Variants in G2E3 observed in about 807,000 individuals in gnomAD.
G2E3 encodes G2/M-phase specific E3 ubiquitin protein ligase.
A neutral mutation model predicts 92.8 loss-of-function variants in G2E3; 35 were observed. The ratio of observed to expected loss-of-function variants is 0.38; its 90% CI spans 0.29 to 0.50. The LOEUF (loss-of-function observed/expected upper bound fraction) is 0.50. Among genes scored for constraint, G2E3 ranks in the 20% least tolerant of loss-of-function variants. The pLI is 0.94. For missense variants in G2E3, 554 were observed against 823.8 expected, an observed-to-expected ratio of 0.67 and a Z score of 4.01; for synonymous variants, 242 against 272.4, an observed-to-expected ratio of 0.89 and a Z score of 1.10.
chr14:30,611,930 A>G, intron 12 of G2E3: 1 of 255,538 alleles, frequency 3.9e-6, no homozygotes, highest in Non-Finnish European at 7.5e-6. Flanking sequence ...AGTCTTACCT[A>G]GTGCTATATA....
At chr14:30,585,649 CT>C (rs76296662) in intron 2 of G2E3, among the ~76,000 whole-genome samples, 39 of 144,818 alleles carry the variant, frequency 2.7e-4, no homozygotes, top group Admixed American at 3.5e-4. Flanking sequence ...AAAGAACCAA[CT>C]TTTTTTTTTT....
intron 1 of G2E3, among the ~76,000 whole-genome samples, chr14:30,577,132 G>A (rs1464171781): frequency 6.7e-6 from 1 of 149,856 alleles, no homozygotes; most frequent in East Asian, 2.0e-4. Flanking sequence ...GGCTGAGGCA[G>A]GAGAATCACT....
intron 1 of G2E3, chr14:30,574,730 C>T (rs1306249230): frequency 6.6e-6 from 1 of 152,214 alleles, no homozygotes; most frequent in Admixed American, 6.5e-5. Flanking sequence ...CCGGCTCCAT[C>T]CATGTTCCTG....
chr14:30,595,690 A>G (rs986641818), intron 6 of G2E3, among the ~76,000 whole-genome samples: 8 of 152,204 alleles, frequency 5.3e-5, no homozygotes, highest in African/African-American at 9.6e-5. Flanking sequence ...CACTCTCTCT[A>G]AAGGAGTTCC....
At chr14:30,606,426 A>G (rs548264804) in intron 11 of G2E3, among the ~76,000 whole-genome samples, 1 of 152,196 alleles carries the variant, frequency 6.6e-6, no homozygotes, top group South Asian at 2.1e-4. Context: ...TTTCATTTGA[A>G]TTTCCTACTA....
At chr14:30,602,909 G>C (rs1015309545) in intron 10 of G2E3, 2 of 152,154 alleles carry the variant, frequency 1.3e-5, no homozygotes, top group African/African-American at 4.8e-5. Context: ...ACTATGCCCT[G>C]CCATTTTTTG....
rs1273401270 is a variant in G2E3 at position 30,616,258 on chromosome 14, T to C, written c.1865-20T>C. The C allele has an allele frequency of 1.3e-6, 2 of 1,540,602 alleles. No homozygotes were observed. The highest frequency in any genetic ancestry group is 1.8e-6 in the Non-Finnish European group (2 of 1,116,084). ...ATTTACTTTTGTTTCTTTTACTCTT[T>C]TATTGGTAAATTTTTTCAGATGGTA... On this transcript the variant is annotated intron_variant, in intron 14 of 14. Transcript: ENST00000206595.
intron 13 of G2E3, among the ~76,000 whole-genome samples, chr14:30,612,701 A>G (rs914482801): frequency 1.3e-5 from 2 of 152,044 alleles, no homozygotes; most frequent in African/African-American, 4.8e-5. Flanking sequence ...GTACTAAAAT[A>G]CAAAAATTAG....
intron 4 of G2E3, among the ~76,000 whole-genome samples, chr14:30,590,123 A>C (rs1437166704): frequency 6.6e-6 from 1 of 152,110 alleles, no homozygotes; most frequent in African/African-American, 2.4e-5. Context: ...AAGTAAAAAT[A>C]ATGAGAAAGA....
At chr14:30,583,785 A>G (rs1406508350) in intron 2 of G2E3, among the ~76,000 whole-genome samples, 1 of 152,230 alleles carries the variant, frequency 6.6e-6, no homozygotes, top group Non-Finnish European at 1.5e-5. Context: ...GTTTTCTAAA[A>G]AAGGATTAGT....
chr14:30,600,435 T>A (rs1391445091), intron 8 of G2E3, among the ~76,000 whole-genome samples: 1 of 152,226 alleles, frequency 6.6e-6, no homozygotes, highest in Non-Finnish European at 1.5e-5. Flanking sequence ...CTGTGTTACT[T>A]GATCTAGTGA....
At chr14:30,559,572 A>T (rs1878965958) in intron 1 of G2E3, 1 of 152,062 alleles carries the variant, frequency 6.6e-6, no homozygotes, top group Non-Finnish European at 1.5e-5. Context: ...GCTTTTTTTA[A>T]ACCCGTAGTT....
At chr14:30,581,479 G>A (rs73264329) in intron 2 of G2E3, among the ~76,000 whole-genome samples, 2,550 of 152,282 alleles carry the variant, frequency 0.017, 92 homozygotes, top group African/African-American at 0.058. Flanking sequence ...GGCTGAAGCA[G>A]GCAAATCACT....
chr14:30,566,339 A>G (rs1188827642), intron 1 of G2E3, among the ~76,000 whole-genome samples: 5 of 152,194 alleles, frequency 3.3e-5, no homozygotes, highest in Non-Finnish European at 7.3e-5. Flanking sequence ...TTTGGGGAGT[A>G]TAACCATCTT....
At chr14:30,593,263 T>A (rs141483611) in intron 5 of G2E3, among the ~76,000 whole-genome samples, 1 of 152,270 alleles carries the variant, frequency 6.6e-6, no homozygotes, top group Non-Finnish European at 1.5e-5. Flanking sequence ...TAAGTAAGTC[T>A]CACTACCAGA....
At chr14:30,566,011 A>G (rs1270714827) in intron 1 of G2E3, among the ~76,000 whole-genome samples, 3 of 152,150 alleles carry the variant, frequency 2.0e-5, no homozygotes, top group Non-Finnish European at 2.9e-5. Context: ...CCATTTGTCG[A>G]AGAGACTGTT....
In G2E3 at chr14:30,608,084, T is replaced by A; in HGVS notation, c.1500+15T>A. ...TTATAATCAGGGTAAGCAATGTATC[T>A]GTTTATTAAAATGCACACTACATTC... On this transcript the variant is annotated intron_variant, in intron 12 of 14. Coordinates refer to ENST00000206595, the MANE Select transcript of G2E3 (RefSeq NM_017769.5). The A allele has an allele frequency of 6.7e-7, 1 of 1,481,508 alleles. No homozygotes were observed. Among genetic ancestry groups the A allele is most frequent in the South Asian group, 1.3e-5 (1 of 75,788 alleles). The allele number at this position is 1,481,508 out of a possible 1,614,324, so 91.8% of individuals were successfully genotyped here.
At chr14:30,589,715 T>C (rs1332118578) in intron 4 of G2E3, among the ~76,000 whole-genome samples, 1 of 152,102 alleles carries the variant, frequency 6.6e-6, no homozygotes, top group Non-Finnish European at 1.5e-5. Context: ...CACTTCCTTA[T>C]CTTATTCCAA....
Position 30,617,466 on chromosome 14 carries a change from T to C in G2E3, c.*932T>C, listed in dbSNP as rs1293652247. 2 of 152,108 alleles carry C rather than the reference T, an allele frequency of 1.3e-5. No homozygotes were observed. Among genetic ancestry groups the C allele is most frequent in the East Asian group, 1.9e-4 (1 of 5,204 alleles). The allele number at this position is 152,108 out of a possible 1,614,324, so 9.4% of individuals were successfully genotyped here. ...CTGTATGTCTGATCCATAATCATTTTAGATATTTGAATGATCTCTGTGGAT... is the reference window on the plus strand; with the variant it reads ...CTGTATGTCTGATCCATAATCATTTCAGATATTTGAATGATCTCTGTGGAT... On this transcript the variant is annotated 3_prime_UTR_variant, in exon 15 of 15. Transcript: ENST00000206595.
Sources: allele counts gnomAD v4.1 joint callset (sites outside exome capture counted in the v4.1 genomes callset), GRCh38; gene constraint gnomAD v4.1.1; transcripts MANE v1.5; gene names NCBI Gene and HGNC (gene_info 2026-07-23, HGNC 2026-07-21).